Variants in SAP130 observed in about 807,000 individuals in gnomAD.
The protein encoded by SAP130 is Sin3A associated protein 130, also known as histone deacetylase complex subunit SAP130.
A neutral mutation model predicts 103.2 loss-of-function variants in SAP130; 16 were observed. The observed-to-expected ratio is 0.16, with a 90% confidence interval of 0.10 to 0.24. The LOEUF (loss-of-function observed/expected upper bound fraction) is 0.24. SAP130 is among the 10% of genes least tolerant of loss of function. The pLI is 1.00. For missense variants in SAP130, 990 were observed against 1,359.7 expected (o/e 0.73, Z 4.28); for synonymous variants, 477 against 497.0 (o/e 0.96, Z 0.53).
intron 10 of SAP130, among the ~76,000 whole-genome samples, chr2:127,999,178 T>C (rs1234598150): frequency 2.0e-5 from 3 of 152,136 alleles, no homozygotes; most frequent in Non-Finnish European, 2.9e-5. Context: ...TGGTGTAGGC[T>C]GGTCACCCTA....
At chr2:127,964,526 A>T (rs1224337968) in intron 15 of SAP130, among the ~76,000 whole-genome samples, 3 of 151,392 alleles carry the variant, frequency 2.0e-5, no homozygotes, top group Admixed American at 1.3e-4. Context: ...AAAGTAAATT[A>T]AAAAAGCCAC....
intron 15 of SAP130, among the ~76,000 whole-genome samples, chr2:127,971,795 A>C (rs1260946725): frequency 6.6e-6 from 1 of 152,196 alleles, no homozygotes; most frequent in Non-Finnish European, 1.5e-5. Flanking sequence ...TATGTTATTT[A>C]AATTCATGGT....
chr2:128,003,957 CTTTTTTTTTTTTT>C lies in SAP130; in HGVS notation c.870-3516_870-3504del, dbSNP rs61211577. Among the ~76,000 whole-genome samples the C allele has an allele frequency of 9.6e-3, 654 of 67,954 alleles. 6 individuals carry two copies. Among genetic ancestry groups the C allele is most frequent in the African/African-American group, 0.029 (615 of 21,552 alleles). The allele number at this position is 67,954 out of a possible 152,430, so 44.6% of individuals were successfully genotyped here. On this transcript the variant is annotated intron_variant, in intron 7 of 20. Transcript: ENST00000643581. ...ACTGTGTAGTTCTCCCACAGATCAG[CTTTTTTTTTTTTT>C]TTTTTTTTTTTTTTTTTTTGTTGAC...
intron 2 of SAP130, 108 bp downstream of exon 2, chr2:128,026,073 G>C: frequency 2.6e-6 from 2 of 780,510 alleles, no homozygotes; most frequent in Non-Finnish European, 4.2e-6. Flanking sequence ...TCAAATTCAA[G>C]AAACAAGAAT....
intron 10 of SAP130, 59 bp downstream of exon 10, chr2:127,999,682 A>T: frequency 3.4e-6 from 3 of 888,526 alleles, no homozygotes; most frequent in Non-Finnish European, 5.1e-6. Flanking sequence ...ATGAAGGCCT[A>T]GTCTGAGGGG....
rs142103983 is a variant in SAP130 at position 127,986,483 on chromosome 2, C to T, written c.1958+302G>A. Among the ~76,000 whole-genome samples the T allele has an allele frequency of 1.8e-4, 27 of 152,332 alleles. No homozygotes were observed. Among genetic ancestry groups the T allele is most frequent in the Non-Finnish European group, 3.7e-4 (25 of 68,028 alleles). ...ACTACCTACACAAGCCCAAGAGTTA[C>T]TTATAAACTACTTTAAAAGTTCTAT... On this transcript the variant is annotated intron_variant, in intron 14 of 20. Coordinates refer to ENST00000643581, the MANE Select transcript of SAP130 (RefSeq NM_001330301.2). This position sits in a 1 kb window ranked among gnomAD's most constrained non-coding sequence, Gnocchi z 4.7.
rs1439343828 is a variant in SAP130, at chr2:127,986,976, G to A, written c.1781-14C>T. The A allele has an allele frequency of 1.9e-6, 3 of 1,602,468 alleles. No individual in the cohort carries two copies. Among genetic ancestry groups the A allele is most frequent in the Admixed American group, 1.7e-5 (1 of 59,496 alleles). On this transcript the variant is annotated splice_polypyrimidine_tract_variant and intron_variant, in intron 13 of 20. Coordinates refer to ENST00000643581, the MANE Select transcript of SAP130 (RefSeq NM_001330301.2). The surrounding 1 kb of genome is among the most constrained non-coding windows in gnomAD (Gnocchi z 4.7). The stretch of plus-strand genomic sequence containing the variant: ...CCAACACCACTGCTACAGGAGAGAG[G>A]CAACAGGAAAGAACATTGAAGAGAG...
chr2:127,957,907 AAGG>A (rs1387503716), intron 15 of SAP130, among the ~76,000 whole-genome samples: 5 of 152,198 alleles, frequency 3.3e-5, no homozygotes, highest in Non-Finnish European at 7.3e-5. Flanking sequence ...TCCCCAAAAA[AAGG>A]AGGAGATGGA....
chr2:128,016,441 C>T lies in SAP130; in HGVS notation c.455G>A (p.Ser152Asn), dbSNP rs759502753. Residue 152 changes from serine (S) to asparagine (N), a missense_variant, in exon 4 of 21, where the codon AGT (serine) becomes AAT (asparagine). This residue lies in a region of SAP130 where 336 missense variants were observed against 520.1 expected (regional missense o/e 0.65). Coordinates refer to ENST00000643581, the MANE Select transcript of SAP130 (RefSeq NM_001330301.2). Reference sequence around the variant, plus strand: ...AATGGCTGAAGCTTGAGGGATGCTACTCTCCATGGTAACGGTAACCTGCCC... The same window carrying T: ...AATGGCTGAAGCTTGAGGGATGCTATTCTCCATGGTAACGGTAACCTGCCC... ...VPGQVTVTMESSIPQASAIPV... is the reference protein window; with the variant it reads ...VPGQVTVTMENSIPQASAIPV... 1.2e-6 allele frequency: 2 copies of T among 1,614,126 alleles called. No homozygotes were observed. Among genetic ancestry groups the T allele is most frequent in the Non-Finnish European group, 8.5e-7 (1 of 1,180,026 alleles).
At chr2:128,027,205 G>A in intron 1 of SAP130, 1 of 1,216,084 alleles carries the variant, frequency 8.2e-7, no homozygotes, top group Non-Finnish European at 1.0e-6. Flanking sequence ...GGGAGGGATC[G>A]CGGCGGCGGC....
rs1464832578 is a variant in SAP130, at chr2:127,993,306, G to A, written c.1358C>T (p.Pro453Leu). Residue 453 changes from proline (P) to leucine (L), a missense_variant and splice_region_variant, in exon 12 of 21, where the codon CCG (proline) becomes CTG (leucine). Transcript: ENST00000643581. ...VAMETRSDNRPSVPVQFQYFL... is the reference protein window; with the variant it reads ...VAMETRSDNRLSVPVQFQYFL... ...ATATTGGAACTGAACGGGAACAGAC[G>A]GTCTAGAGACAGAACAGATGATAGC... 5 of 1,611,448 alleles carry A rather than the reference G, an allele frequency of 3.1e-6. No individual in the cohort carries two copies. Among genetic ancestry groups the A allele is most frequent in the Non-Finnish European group, 4.2e-6 (5 of 1,179,128 alleles).
Position 127,941,903 on chromosome 2 carries a change from T to TTC in SAP130, c.*101_*102dup. ...CTTTCACACGGGAACTAAGGAACAC[T>TTC]TCCTTTATTTCAATGTTCCACTTTG... On this transcript the variant is annotated 3_prime_UTR_variant, in exon 21 of 21. Coordinates refer to ENST00000643581, the MANE Select transcript of SAP130 (RefSeq NM_001330301.2). The TTC allele has an allele frequency of 1.1e-6, 1 of 932,386 alleles. No individual in the cohort carries two copies. Among genetic ancestry groups the TTC allele is most frequent in the Non-Finnish European group, 1.7e-6 (1 of 604,734 alleles). The allele number at this position is 932,386 out of a possible 1,614,324, so 57.8% of individuals were successfully genotyped here.
chr2:127,950,336 G>C lies in SAP130; in HGVS notation c.2495C>G (p.Thr832Arg). Residue 832 changes from threonine (T) to arginine (R), a missense_variant, in exon 17 of 21, where the codon ACA (threonine) becomes AGA (arginine). By Grantham distance (71) the Thr-to-Arg change is moderately conservative. Transcript: ENST00000643581. ...GGAGGCACCAGGTGGTAGGTCACTTGTAGGCATGGACAAGTTGTTTGCCAG... is the reference window on the plus strand; with the variant it reads ...GGAGGCACCAGGTGGTAGGTCACTTCTAGGCATGGACAAGTTGTTTGCCAG... ...ALLANNLSMP[T>R]SDLPPGASPR... The C allele has an allele frequency of 2.5e-6, 4 of 1,614,202 alleles. No homozygotes were observed. The highest frequency in any genetic ancestry group is 3.4e-6 in the Non-Finnish European group (4 of 1,180,030).
Position 127,986,133 on chromosome 2 carries a change from C to G in SAP130, c.1958+652G>C, listed in dbSNP as rs1573745449. Among the ~76,000 whole-genome samples, 1 of 152,246 alleles carries G rather than the reference C, an allele frequency of 6.6e-6. No homozygotes were observed. Reference sequence around the variant, plus strand: ...ACACCAAGGCAAGAACCCTGGGATACAGAAAGCTCTCTGTCCTTGCCATAA... The same window carrying G: ...ACACCAAGGCAAGAACCCTGGGATAGAGAAAGCTCTCTGTCCTTGCCATAA... On this transcript the variant is annotated intron_variant, in intron 14 of 20. Coordinates refer to ENST00000643581, the MANE Select transcript of SAP130 (RefSeq NM_001330301.2). This position sits in a 1 kb window ranked among gnomAD's most constrained non-coding sequence, Gnocchi z 4.7.
chr2:127,955,749 A>C lies in SAP130; in HGVS notation c.2064-405T>G, dbSNP rs1573644193. Reference sequence around the variant, plus strand: ...GTGATCCGCCTGCCTCGGCCTCCCAAAGTGATGGGATTACAGGTGTGAGCC... The same window carrying C: ...GTGATCCGCCTGCCTCGGCCTCCCACAGTGATGGGATTACAGGTGTGAGCC... On this transcript the variant is annotated intron_variant, in intron 15 of 20. Transcript: ENST00000643581. This position sits in a 1 kb window ranked among gnomAD's most constrained non-coding sequence, Gnocchi z 4.9. Among the ~76,000 whole-genome samples the C allele has an allele frequency of 2.0e-5, 3 of 152,260 alleles. No homozygotes were observed. The East Asian group carries it at 5.8e-4, about 29-fold the overall frequency.
Position 128,016,372 on chromosome 2 carries a change from T to A in SAP130, c.507+17A>T. 1 of 1,603,944 alleles carries A rather than the reference T, an allele frequency of 6.2e-7. No individual in the cohort carries two copies. The highest frequency in any genetic ancestry group is 1.1e-5 in the South Asian group (1 of 89,728). ...GCATTTCAGTTTGAAAATCAGCAAA[T>A]TAAAAGGAAGAAAAACCTGTTGTCC... On this transcript the variant is annotated intron_variant, in intron 4 of 20. Transcript: ENST00000643581.
Position 127,949,928 on chromosome 2 carries a change from C to T in SAP130, c.2738G>A (p.Arg913Gln), listed in dbSNP as rs1241944858. ...GTGGTAAGCAGCTTTCCAGGGGTTC[C>T]GATAGTGACGAAGCAAAGTAATGGG... ...RPPITLLRHY[R>Q]NPWKAAYHHF... The change falls in exon 18 of 21, where the codon CGG (arginine) becomes CAG (glutamine). Residue 913 changes from arginine to glutamine, a missense_variant. Arg to Gln is a conservative substitution (Grantham distance 43). Around this residue, in one of 6 missense-constraint regions of SAP130, gnomAD observed 61 missense variants for 73.8 expected, o/e 0.83. Transcript: ENST00000643581. 2 of 1,614,066 alleles carry T rather than the reference C, an allele frequency of 1.2e-6. No individual in the cohort carries two copies. The highest frequency in any genetic ancestry group is 8.5e-7 in the Non-Finnish European group (1 of 1,179,996).
chr2:127,964,516 A>C (rs1267696587), intron 15 of SAP130, among the ~76,000 whole-genome samples: 1 of 123,608 alleles, frequency 8.1e-6, no homozygotes, highest in Non-Finnish European at 1.8e-5. Context: ...AAAAAAAAAA[A>C]AAGTAAATTA....
At chr2:128,003,954 C>T (rs933754042) in intron 7 of SAP130, among the ~76,000 whole-genome samples, 1 of 81,646 alleles carries the variant, frequency 1.2e-5, no homozygotes, top group Non-Finnish European at 2.5e-5. Flanking sequence ...TCCCACAGAT[C>T]AGCTTTTTTT....
Sources: allele counts gnomAD v4.1 joint callset (sites outside exome capture counted in the v4.1 genomes callset), GRCh38; gene constraint gnomAD v4.1.1; regional missense constraint gnomAD v4.1.1; non-coding constraint Gnocchi (gnomAD v3.1); transcripts MANE v1.5; gene names NCBI Gene and HGNC (gene_info 2026-07-23, HGNC 2026-07-21).